Variants in RNF130 observed in about 807,000 individuals in gnomAD.
RNF130 encodes the protein ring finger protein 130.
RNF130 carries 21 observed loss-of-function variants against 44.6 expected under a neutral mutation model. That is an observed-to-expected ratio of 0.47 (90% confidence interval 0.33 to 0.68). RNF130 has a LOEUF of 0.68. Among genes scored for constraint, RNF130 ranks in the 30% least tolerant of loss-of-function variants. RNF130 has a pLI of 0.02. For missense variants in RNF130, 479 were observed against 560.6 expected, an observed-to-expected ratio of 0.85 and a Z score of 1.47; for synonymous variants, 214 against 210.4, an observed-to-expected ratio of 1.02 and a Z score of -0.15.
chr5:180,029,370 G>C (rs1246620105), intron 2 of RNF130, among the ~76,000 whole-genome samples: 1 of 152,120 alleles, frequency 6.6e-6, no homozygotes, highest in Non-Finnish European at 1.5e-5. Context: ...TCTCCACTGA[G>C]AACAGCATGA....
intron 1 of RNF130, among the ~76,000 whole-genome samples, chr5:180,047,827 C>T (rs538192742): frequency 3.3e-4 from 50 of 152,142 alleles, no homozygotes; most frequent in Non-Finnish European, 6.3e-4. Context: ...CTCTCCACTC[C>T]CACGTCCCAC....
intron 3 of RNF130, among the ~76,000 whole-genome samples, chr5:180,001,177 T>C (rs2069332): frequency 0.03 from 4,549 of 152,242 alleles, 225 homozygotes; most frequent in African/African-American, 0.1. Flanking sequence ...GTATAAGCTG[T>C]GGATGTCTGC....
intron 3 of RNF130, among the ~76,000 whole-genome samples, chr5:179,995,809 A>G (rs139033176): frequency 6.6e-6 from 1 of 152,114 alleles, no homozygotes; most frequent in South Asian, 2.1e-4. Context: ...CTGTCTCCCA[A>G]ATTTCTCTTT....
downstream of RNF130, among the ~76,000 whole-genome samples, chr5:179,951,315 T>A (rs956318478): frequency 1.3e-5 from 2 of 151,870 alleles, no homozygotes; most frequent in African/African-American, 2.4e-5. Flanking sequence ...AAGATAAGAT[T>A]TGAGCAACAC....
intron 2 of RNF130, among the ~76,000 whole-genome samples, chr5:180,014,019 T>C (rs1763657314): frequency 6.6e-6 from 1 of 152,214 alleles, no homozygotes; most frequent in Non-Finnish European, 1.5e-5. Flanking sequence ...CCCAGAACTC[T>C]TCTGGAAATC....
intron 3 of RNF130, among the ~76,000 whole-genome samples, chr5:180,008,636 G>A (rs1300615567): frequency 1.3e-5 from 2 of 151,994 alleles, no homozygotes; most frequent in East Asian, 1.9e-4. Context: ...TGTAATCCCA[G>A]CACTTTGGGA....
chr5:179,989,074 G>C (rs1250517796), intron 3 of RNF130, among the ~76,000 whole-genome samples: 2 of 152,200 alleles, frequency 1.3e-5, no homozygotes, highest in African/African-American at 2.4e-5. Context: ...GGCTAAGAAG[G>C]CCTCAGGAAA....
Position 179,963,469 on chromosome 5 carries a change from A to G in RNF130, c.1244+2T>C, listed in dbSNP as rs1357258283. ...GCAATCCAAAAACAATTTGTTACTT[A>G]CTCATTAGCATTCAAGCTAGCTGTG... On this transcript the variant is annotated splice_donor_variant, in intron 8 of 8. Transcript: ENST00000521389. LOFTEE classifies it high-confidence loss of function. The G allele has an allele frequency of 6.2e-7, 1 of 1,611,500 alleles. No homozygotes were observed. Among genetic ancestry groups the G allele is most frequent in the Non-Finnish European group, 8.5e-7 (1 of 1,177,842 alleles).
chr5:180,071,492 G>GGAC lies in RNF130; in HGVS notation c.208_210dup (p.Val70dup). ...GGCAGCGGCGCCAGCACCTGGCCGCGGACCTCGGCCTTGGGGGAGTCAAGC... is the reference window on the plus strand; with the variant it reads ...GGCAGCGGCGCCAGCACCTGGCCGCGGACGACCTCGGCCTTGGGGGAGTCAAGC... On this transcript the variant is annotated inframe_insertion, in exon 1 of 9. Transcript: ENST00000521389. The GGAC allele has an allele frequency of 7.9e-7, 1 of 1,263,216 alleles. No homozygotes were observed. Among genetic ancestry groups the GGAC allele is most frequent in the Non-Finnish European group, 1.0e-6 (1 of 1,002,032 alleles). The allele number at this position is 1,263,216 out of a possible 1,614,324, so 78.3% of individuals were successfully genotyped here.
chr5:179,988,581 A>G (rs1216972953), intron 3 of RNF130, among the ~76,000 whole-genome samples: 1 of 151,830 alleles, frequency 6.6e-6, no homozygotes, highest in Non-Finnish European at 1.5e-5. Flanking sequence ...TGTATCTTGT[A>G]GGTTTTGGTA....
chr5:179,975,867 G>C (rs1762706555), intron 5 of RNF130, among the ~76,000 whole-genome samples: 1 of 152,176 alleles, frequency 6.6e-6, no homozygotes. Context: ...AAATGGTTCA[G>C]ATCAACCATG....
chr5:180,008,959 AAAG>A (rs1216730533), intron 3 of RNF130, among the ~76,000 whole-genome samples: 8 of 152,176 alleles, frequency 5.3e-5, no homozygotes, highest in Admixed American at 2.0e-4. Flanking sequence ...TGTATGGGTA[AAAG>A]AAGAAGTCTC....
intron 2 of RNF130, 29 bp downstream of exon 2, chr5:180,040,424 C>A: frequency 1.9e-6 from 3 of 1,591,798 alleles, no homozygotes; most frequent in Non-Finnish European, 2.6e-6. Flanking sequence ...AGAAGAAAAA[C>A]AAAATCAACA....
chr5:180,005,120 C>T (rs1437413277), intron 3 of RNF130, among the ~76,000 whole-genome samples: 1 of 152,152 alleles, frequency 6.6e-6, no homozygotes, highest in Non-Finnish European at 1.5e-5. Flanking sequence ...TTGTATATCA[C>T]TCCACTGCTA....
chr5:179,994,026 C>A (rs528938640), intron 3 of RNF130, among the ~76,000 whole-genome samples: 2 of 152,068 alleles, frequency 1.3e-5, no homozygotes, highest in Admixed American at 6.6e-5. Flanking sequence ...GTCAAAGATC[C>A]GATAGTTGTA....
At chr5:179,992,861 C>T (rs1763117455) in intron 3 of RNF130, among the ~76,000 whole-genome samples, 1 of 152,190 alleles carries the variant, frequency 6.6e-6, no homozygotes, top group Admixed American at 6.5e-5. Context: ...TCTCCTAATG[C>T]TATCCCTCCC....
In RNF130 at chr5:180,013,147, T is replaced by C. The variant is rs1207002966; in HGVS notation, c.607A>G (p.Ile203Val). ...GSLVFVSISF[I>V]VLMIISSAWL... ...GCTGAAGAAATAATCATCAAAACAA[T>C]AAAGGATATTGACACGAAGACTAGA... Residue 203 changes from isoleucine (I) to valine (V), a missense_variant, in exon 3 of 9, where the codon ATT (isoleucine) becomes GTT (valine). Around this residue, in one of 3 missense-constraint regions of RNF130, gnomAD observed 180 missense variants for 275.1 expected, o/e 0.65. Coordinates refer to ENST00000521389, the MANE Select transcript of RNF130 (RefSeq NM_018434.6). The C allele has an allele frequency of 6.2e-6, 10 of 1,613,804 alleles. No individual in the cohort carries two copies. The highest frequency in any genetic ancestry group is 8.5e-6 in the Non-Finnish European group (10 of 1,179,980).
chr5:180,035,539 G>A (rs1388489183), intron 2 of RNF130, among the ~76,000 whole-genome samples: 2 of 152,160 alleles, frequency 1.3e-5, no homozygotes, highest in Non-Finnish European at 2.9e-5. Flanking sequence ...GTTGGTCAAG[G>A]TTTCTATATG....
intron 8 of RNF130, among the ~76,000 whole-genome samples, chr5:179,963,115 C>T (rs938069279): frequency 2.0e-5 from 3 of 152,238 alleles, no homozygotes; most frequent in Admixed American, 1.3e-4. Context: ...GTGTGATGAA[C>T]GCAAAGTGGG....
Sources: gnomAD v4.1 joint callset for allele counts (sites outside exome capture counted in the v4.1 genomes callset) on GRCh38, gnomAD v4.1.1 for gene constraint, gnomAD v4.1.1 regional missense constraint, MANE v1.5 for transcripts, NCBI Gene and HGNC (gene_info 2026-07-23, HGNC 2026-07-21) for gene names.